Variants in IGF1R observed in about 807,000 individuals in gnomAD.
IGF1R encodes the protein insulin like growth factor 1 receptor, also known as insulin-like growth factor 1 receptor.
Under a neutral mutation model 144.6 loss-of-function variants are expected in IGF1R, and 44 were observed. The observed-to-expected ratio is 0.30, with a 90% CI of 0.24 to 0.39. IGF1R has a LOEUF of 0.39. Ranked by LOEUF, IGF1R falls within the 10% of genes least tolerant of loss-of-function variation. IGF1R has a pLI of 1.00. For synonymous variants in IGF1R, 795 were observed against 722.8 expected, an observed-to-expected ratio of 1.10 and a Z score of -1.60; for missense variants, 1,355 against 1,833.7, an observed-to-expected ratio of 0.74 and a Z score of 4.77.
chr15:98,940,625 G>A (rs1255333157), intron 18 of IGF1R, among the ~76,000 whole-genome samples: 1 of 151,928 alleles, frequency 6.6e-6, no homozygotes, highest in Non-Finnish European at 1.5e-5. Flanking sequence ...GGATGGTCTT[G>A]AACTCCTGAC....
At chr15:98,747,078 T>C (rs2054886272) in intron 2 of IGF1R, among the ~76,000 whole-genome samples, 2 of 152,296 alleles carry the variant, frequency 1.3e-5, no homozygotes, top group African/African-American at 4.8e-5. Context: ...CAGGAGAAAA[T>C]GTAAGTGCAG....
At chr15:98,840,972 C>T (rs8038118) in intron 2 of IGF1R, among the ~76,000 whole-genome samples, 41 of 152,310 alleles carry the variant, frequency 2.7e-4, no homozygotes, top group African/African-American at 8.2e-4. Flanking sequence ...TGAGACACTG[C>T]GCCTGGCCGT....
intron 17 of IGF1R, among the ~76,000 whole-genome samples, chr15:98,936,856 A>G (rs1029092484): frequency 6.6e-6 from 1 of 150,910 alleles, no homozygotes. Flanking sequence ...TGGTTCACTC[A>G]CTCACTTTCT....
intron 2 of IGF1R, among the ~76,000 whole-genome samples, chr15:98,816,195 T>G (rs1012031364): frequency 7.2e-5 from 11 of 152,238 alleles, no homozygotes; most frequent in Non-Finnish European, 8.8e-5. Context: ...CTTGTTTTCC[T>G]GTCTCTTTGA....
intron 1 of IGF1R, among the ~76,000 whole-genome samples, chr15:98,671,612 C>T (rs1057135427): frequency 1.3e-5 from 2 of 152,130 alleles, no homozygotes; most frequent in African/African-American, 2.4e-5. Context: ...ATGCAAAATG[C>T]CTAAGATTTC....
chr15:98,657,504 C>T (rs747444247), intron 1 of IGF1R, among the ~76,000 whole-genome samples: 1 of 152,192 alleles, frequency 6.6e-6, no homozygotes, highest in Non-Finnish European at 1.5e-5. Flanking sequence ...AATACACAAG[C>T]TTACAGACTC....
At chr15:98,752,788 G>A (rs1484963747) in intron 2 of IGF1R, among the ~76,000 whole-genome samples, 1 of 151,954 alleles carries the variant, frequency 6.6e-6, no homozygotes, top group African/African-American at 2.4e-5. Flanking sequence ...AATTGACTTT[G>A]TTATTATAAG....
At chr15:98,683,058 T>G (rs1167088206) in intron 1 of IGF1R, among the ~76,000 whole-genome samples, 1 of 151,224 alleles carries the variant, frequency 6.6e-6, no homozygotes, top group African/African-American at 2.4e-5. Context: ...GTGCTGAGAT[T>G]ACTGGTTTCT....
chr15:98,888,132 C>T (rs1254240219), intron 2 of IGF1R, among the ~76,000 whole-genome samples: 2 of 152,212 alleles, frequency 1.3e-5, no homozygotes, highest in Non-Finnish European at 2.9e-5. Flanking sequence ...CCCAGAAGCC[C>T]AGGAAACACC....
chr15:98,843,176 A>G (rs2011206313), intron 2 of IGF1R, among the ~76,000 whole-genome samples: 1 of 152,196 alleles, frequency 6.6e-6, no homozygotes, highest in South Asian at 2.1e-4. Flanking sequence ...GCTGTGCTAC[A>G]ATCCTAACAT....
Position 98,934,756 on chromosome 15 carries a change from T to A in IGF1R, c.2957-68T>A, listed in dbSNP as rs1226463807. Reference sequence around the variant, plus strand: ...GCATCTTATATTCTTTGGCTTAGAGTTCCCCCAAAGCACGTTCTGTCTAAG... The same window carrying A: ...GCATCTTATATTCTTTGGCTTAGAGATCCCCCAAAGCACGTTCTGTCTAAG... On this transcript the variant is annotated intron_variant, in intron 15 of 20. Coordinates refer to ENST00000650285, the MANE Select transcript of IGF1R (RefSeq NM_000875.5). The A allele has an allele frequency of 1.5e-5, 20 of 1,337,502 alleles. 1 individual carries two copies. Among genetic ancestry groups the A allele is most frequent in the Non-Finnish European group, 2.0e-5 (19 of 933,518 alleles). 82.9% of individuals were successfully genotyped at this position (1,337,502 alleles called of 1,614,324 possible).
At chr15:98,851,405 A>G (rs1376334653) in intron 2 of IGF1R, among the ~76,000 whole-genome samples, 1 of 152,184 alleles carries the variant, frequency 6.6e-6, no homozygotes, top group Admixed American at 6.5e-5. Flanking sequence ...AAGAGTGACA[A>G]CGTGACTTAC....
chr15:98,718,538 C>A (rs952419642), intron 2 of IGF1R, among the ~76,000 whole-genome samples: 2 of 152,084 alleles, frequency 1.3e-5, no homozygotes, highest in Non-Finnish European at 2.9e-5. Context: ...GACTGAGGCT[C>A]GCTGGCCCAC....
At chr15:98,874,498 T>A (rs2012950443) in intron 2 of IGF1R, among the ~76,000 whole-genome samples, 1 of 152,184 alleles carries the variant, frequency 6.6e-6, no homozygotes, top group African/African-American at 2.4e-5. Flanking sequence ...CTTTAAAGAT[T>A]GAGAGATCTT....
At position 98,766,374 on chromosome 15, in the gene IGF1R, C is replaced by G. The variant is rs139842751; in HGVS notation, c.640+58267C>G. 2.0e-5 allele frequency among the ~76,000 whole-genome samples: 3 copies of G among 152,328 alleles called. No individual in the cohort carries two copies. In the East Asian group the frequency reaches 5.8e-4, roughly 29 times the overall value. On this transcript the variant is annotated intron_variant, in intron 2 of 20. Transcript: ENST00000650285. ...TGTCTCTTTTCTGATTCCCACCTTTCACTTTTCCTCCATTTTTCGCTTAAT... is the reference window on the plus strand; with the variant it reads ...TGTCTCTTTTCTGATTCCCACCTTTGACTTTTCCTCCATTTTTCGCTTAAT...
chr15:98,747,890 C>G (rs1421038240), intron 2 of IGF1R, among the ~76,000 whole-genome samples: 1 of 152,142 alleles, frequency 6.6e-6, no homozygotes, highest in Non-Finnish European at 1.5e-5. Flanking sequence ...AAAATATCAC[C>G]TATAGCATTA....
chr15:98,922,969 G>A (rs4966044), intron 11 of IGF1R, among the ~76,000 whole-genome samples: 64,576 of 152,096 alleles, frequency 0.42, 13,835 homozygotes, highest in South Asian at 0.48. Flanking sequence ...CAGAACAAGA[G>A]CTGCCCTGTC....
chr15:98,683,407 C>G (rs2053240747), intron 1 of IGF1R, among the ~76,000 whole-genome samples: 1 of 152,206 alleles, frequency 6.6e-6, no homozygotes, highest in East Asian at 1.9e-4. Context: ...ATCATTGGGG[C>G]TGTTTCTGCT....
intron 2 of IGF1R, among the ~76,000 whole-genome samples, chr15:98,731,066 ACTTGGT>A (rs1288458003): frequency 7.2e-5 from 11 of 152,254 alleles, no homozygotes; most frequent in Admixed American, 5.9e-4. Flanking sequence ...TTTGAAAATA[ACTTGGT>A]CTGTTCTAAA....
Sources: gnomAD v4.1 joint callset for allele counts (sites outside exome capture counted in the v4.1 genomes callset) on GRCh38, gnomAD v4.1.1 for gene constraint, MANE v1.5 for transcripts, NCBI Gene and HGNC (gene_info 2026-07-23, HGNC 2026-07-21) for gene names.